CRPPA: variants seen among roughly 807,000 people sequenced by gnomAD.
The protein encoded by CRPPA is CDP-L-ribitol pyrophosphorylase A.
A neutral mutation model predicts 52.0 loss-of-function variants in CRPPA; 43 were observed. The observed-to-expected ratio is 0.83, with a 90% CI of 0.65 to 1.07. The LOEUF (loss-of-function observed/expected upper bound fraction) is 1.07. CRPPA is among the 50% of genes least tolerant of loss of function. The probability of loss-of-function intolerance (pLI) is 0.00; values close to 1 mark genes in which losing one functional copy is unlikely to be tolerated. For synonymous variants in CRPPA, 250 were observed against 203.5 expected (o/e 1.23, Z -1.94); for missense variants, 629 against 551.7 (o/e 1.14, Z -1.40).
chr7:16,253,081 G>A (rs1783505743), intron 8 of CRPPA, among the ~76,000 whole-genome samples: 1 of 152,040 alleles, frequency 6.6e-6, no homozygotes, highest in Admixed American at 6.6e-5. Flanking sequence ...ATTTTTTGAA[G>A]GGATTTTTGT....
At chr7:16,348,555 A>C (rs1786071043) in intron 3 of CRPPA, among the ~76,000 whole-genome samples, 1 of 152,222 alleles carries the variant, frequency 6.6e-6, no homozygotes, top group Non-Finnish European at 1.5e-5. Flanking sequence ...TCTCCTGAAG[A>C]GGACCAAACC....
chr7:16,163,575 T>C (rs536566432), intron 9 of CRPPA, among the ~76,000 whole-genome samples: 1 of 152,324 alleles, frequency 6.6e-6, no homozygotes, highest in South Asian at 2.1e-4. Context: ...TAGCTGGTTA[T>C]TTTGCCCATT....
intron 8 of CRPPA, among the ~76,000 whole-genome samples, chr7:16,221,572 C>G (rs1396599305): frequency 2.0e-5 from 3 of 151,942 alleles, no homozygotes; most frequent in African/African-American, 7.2e-5. Flanking sequence ...TATCCAGAAT[C>G]TACAATGAAC....
intron 9 of CRPPA, among the ~76,000 whole-genome samples, chr7:16,212,536 T>C (rs531113922): frequency 8.5e-5 from 13 of 152,240 alleles, no homozygotes; most frequent in African/African-American, 2.2e-4. Flanking sequence ...ATACACACCG[T>C]AATGAATAAT....
chr7:16,276,837 TTTAAA>T, intron 6 of CRPPA: 1 of 152,190 alleles, frequency 6.6e-6, no homozygotes, highest in Non-Finnish European at 1.5e-5. Context: ...AGCTATAAAC[TTTAAA>T]TTAAAGCATA....
At chr7:16,111,627 T>C (rs1782266591) in intron 9 of CRPPA, among the ~76,000 whole-genome samples, 1 of 152,136 alleles carries the variant, frequency 6.6e-6, no homozygotes, top group African/African-American at 2.4e-5. Context: ...ACCACATGGA[T>C]GGAAGTGGAG....
intron 6 of CRPPA, among the ~76,000 whole-genome samples, chr7:16,260,618 A>G (rs1260597918): frequency 1.3e-5 from 2 of 152,042 alleles, no homozygotes; most frequent in Non-Finnish European, 2.9e-5. Flanking sequence ...CAAGTAAGGT[A>G]TAGTCTCACA....
chr7:16,318,748 C>T (rs1457815289), intron 3 of CRPPA, among the ~76,000 whole-genome samples: 2 of 152,142 alleles, frequency 1.3e-5, no homozygotes, highest in Admixed American at 6.5e-5. Context: ...TTTGGCCCTC[C>T]ACCTATATCA....
At chr7:16,168,777 AATACACATGCT>A (rs1781118668) in intron 9 of CRPPA, among the ~76,000 whole-genome samples, 1 of 152,178 alleles carries the variant, frequency 6.6e-6, no homozygotes, top group South Asian at 2.1e-4. Flanking sequence ...TACGTTAACA[AATACACATGCT>A]AAAAGAAAAA....
At chr7:16,413,753 A>G (rs951066710) in intron 1 of CRPPA, among the ~76,000 whole-genome samples, 1 of 152,248 alleles carries the variant, frequency 6.6e-6, no homozygotes, top group African/African-American at 2.4e-5. Flanking sequence ...CAAAGTTAAT[A>G]TACTGAAACA....
intron 8 of CRPPA, among the ~76,000 whole-genome samples, chr7:16,254,039 T>C (rs1674919641): frequency 6.6e-6 from 1 of 152,148 alleles, no homozygotes; most frequent in South Asian, 2.1e-4. Flanking sequence ...CACAATGAGA[T>C]ACCATCTCAC....
At chr7:16,252,937 G>A (rs1783501142) in intron 8 of CRPPA, among the ~76,000 whole-genome samples, 1 of 151,258 alleles carries the variant, frequency 6.6e-6, no homozygotes, top group South Asian at 2.1e-4. Flanking sequence ...ATTTCTGTGG[G>A]ATCGCTGGTG....
chr7:16,398,061 G>T (rs559447179), intron 2 of CRPPA, among the ~76,000 whole-genome samples: 1 of 152,242 alleles, frequency 6.6e-6, no homozygotes, highest in African/African-American at 2.4e-5. Flanking sequence ...TGATCGAAAT[G>T]ACCAGGGCAT....
At chr7:16,380,969 GT>G (rs1395340691) in intron 2 of CRPPA, among the ~76,000 whole-genome samples, 2 of 151,514 alleles carry the variant, frequency 1.3e-5, no homozygotes, top group African/African-American at 4.9e-5. Context: ...TTTTTGAAGG[GT>G]TTTTTGTGTC....
At chr7:16,130,706 T>A (rs906942561) in intron 9 of CRPPA, among the ~76,000 whole-genome samples, 8 of 152,182 alleles carry the variant, frequency 5.3e-5, no homozygotes, top group African/African-American at 1.7e-4. Flanking sequence ...TAAAATTAGG[T>A]CCAGATGAAT....
intron 9 of CRPPA, among the ~76,000 whole-genome samples, chr7:16,215,370 A>T (rs6976342): frequency 0.64 from 96,694 of 151,474 alleles, 31,052 homozygotes; most frequent in Admixed American, 0.69. Flanking sequence ...CCAAATTTTT[A>T]ACCCTAATTC....
chr7:16,250,167 T>G (rs1783406100), intron 8 of CRPPA, among the ~76,000 whole-genome samples: 1 of 151,944 alleles, frequency 6.6e-6, no homozygotes, highest in Admixed American at 6.6e-5. Flanking sequence ...GAAGACAAGA[T>G]TAGAGAAAAC....
intron 6 of CRPPA, among the ~76,000 whole-genome samples, chr7:16,265,336 C>T (rs1379668975): frequency 6.6e-6 from 1 of 152,180 alleles, no homozygotes; most frequent in Non-Finnish European, 1.5e-5. Flanking sequence ...TGAGACATTG[C>T]ACTGCTATTG....
chr7:16,283,994 T>C (rs1357128355), intron 5 of CRPPA, among the ~76,000 whole-genome samples: 2 of 152,080 alleles, frequency 1.3e-5, no homozygotes, highest in African/African-American at 4.8e-5. Context: ...AAGTAGCATA[T>C]TGATACTTTG....
Sources: gnomAD v4.1 joint callset for allele counts (sites outside exome capture counted in the v4.1 genomes callset) on GRCh38, gnomAD v4.1.1 for gene constraint, MANE v1.5 for transcripts, NCBI Gene and HGNC (gene_info 2026-07-23, HGNC 2026-07-21) for gene names.